TAFA5: variants seen among roughly 807,000 people sequenced by gnomAD.
The protein encoded by TAFA5 is chemokine-like protein TAFA-5.
Under a neutral mutation model 15.3 loss-of-function variants are expected in TAFA5, and 6 were observed. The observed-to-expected ratio is 0.39, with a 90% CI of 0.21 to 0.77. TAFA5 has a LOEUF of 0.77. TAFA5 is among the 30% of genes least tolerant of loss of function. The probability of loss-of-function intolerance (pLI) is 0.41; values close to 1 mark genes in which losing one functional copy is unlikely to be tolerated. For missense variants in TAFA5, 161 were observed against 193.1 expected (o/e 0.83, Z 0.98); for synonymous variants, 103 against 80.7 (o/e 1.28, Z -1.48).
chr22:48,686,941 T>G (rs1928378562), intron 2 of TAFA5, among the ~76,000 whole-genome samples: 1 of 118,520 alleles, frequency 8.4e-6, no homozygotes, highest in Non-Finnish European at 1.8e-5. Flanking sequence ...GATGGATGGA[T>G]TGGTGGAGGG....
At chr22:48,643,812 C>G (rs1261412667) in intron 1 of TAFA5, among the ~76,000 whole-genome samples, 1 of 152,184 alleles carries the variant, frequency 6.6e-6, no homozygotes, top group African/African-American at 2.4e-5. Context: ...GCCTGGACAC[C>G]ATGAGTCTCT....
rs1052338563 is a variant in TAFA5 at position 48,598,660 on chromosome 22, T to C, written c.113-47937T>C. ...TTCACACCAACAAGTTCTCCAACTT[T>C]CCAGACACCAAATGAATATCTGGCC... On this transcript the variant is annotated intron_variant, in intron 1 of 3. Coordinates refer to ENST00000402357, the MANE Select transcript of TAFA5 (RefSeq NM_001082967.3). This position sits in a 1 kb window ranked among gnomAD's most constrained non-coding sequence, Gnocchi z 4.0. Among the ~76,000 whole-genome samples, 18 of 152,158 alleles carry C rather than the reference T, an allele frequency of 1.2e-4. No homozygotes were observed. The highest frequency in any genetic ancestry group is 4.1e-4 in the African/African-American group (17 of 41,432).
chr22:48,531,245 C>T (rs1005745197), intron 1 of TAFA5, among the ~76,000 whole-genome samples: 3 of 152,232 alleles, frequency 2.0e-5, no homozygotes, highest in African/African-American at 7.2e-5. Flanking sequence ...AGGAGCTGAG[C>T]CCCAGTCCCA....
intron 3 of TAFA5, among the ~76,000 whole-genome samples, chr22:48,745,112 C>T (rs934551284): frequency 2.0e-5 from 3 of 152,230 alleles, no homozygotes; most frequent in Non-Finnish European, 4.4e-5. Flanking sequence ...TCTCAGCAGC[C>T]CTGAGCCCTG....
At chr22:48,653,972 C>T (rs1452802467) in intron 2 of TAFA5, among the ~76,000 whole-genome samples, 4 of 152,120 alleles carry the variant, frequency 2.6e-5, no homozygotes, top group African/African-American at 9.7e-5. Flanking sequence ...AACATGGGTG[C>T]CCGAGCCTCT....
intron 1 of TAFA5, among the ~76,000 whole-genome samples, chr22:48,595,549 T>C (rs376537743): frequency 2.0e-5 from 3 of 152,228 alleles, no homozygotes; most frequent in African/African-American, 7.2e-5. Context: ...ACTGGGGCTC[T>C]GTGGAGGCCA....
intron 1 of TAFA5, among the ~76,000 whole-genome samples, chr22:48,589,264 T>TG (rs891955943): frequency 1.1e-4 from 16 of 152,282 alleles, no homozygotes; most frequent in African/African-American, 3.1e-4. Flanking sequence ...GGTGACTGGC[T>TG]GGGGGTTTGG....
At chr22:48,594,185 C>T (rs898290899) in intron 1 of TAFA5, among the ~76,000 whole-genome samples, 2 of 152,198 alleles carry the variant, frequency 1.3e-5, no homozygotes, top group Non-Finnish European at 2.9e-5. Context: ...GGCGGCTGCT[C>T]TTGGCCAGTG....
At chr22:48,498,208 C>G (rs1601834581) in intron 1 of TAFA5, among the ~76,000 whole-genome samples, 1 of 15,480 alleles carries the variant, frequency 6.5e-5, no homozygotes. Flanking sequence ...GGGCTGCAAG[C>G]CTGGGGGCGG....
At chr22:48,594,039 A>G (rs28385606) in intron 1 of TAFA5, among the ~76,000 whole-genome samples, 45,448 of 152,204 alleles carry the variant, frequency 0.3, 7,324 homozygotes, top group South Asian at 0.44. Flanking sequence ...GATAAATGCC[A>G]GAAAACAAAA....
rs186807530 is a variant in TAFA5, at chr22:48,722,110, G to A, written c.390+14266G>A. On this transcript the variant is annotated intron_variant, in intron 3 of 3. Coordinates refer to ENST00000402357, the MANE Select transcript of TAFA5 (RefSeq NM_001082967.3). ...TCTAGTTCTAGATCCTTGAGGAATC[G>A]CCACACTGTCTTCCACAATAGTTGA... 3.9e-3 allele frequency among the ~76,000 whole-genome samples: 587 copies of A among 152,224 alleles called. 1 individual carries two copies. Among genetic ancestry groups the A allele is most frequent in the Middle Eastern group, 0.014 (4 of 294 alleles).
At chr22:48,599,929 C>T (rs1489817022) in intron 1 of TAFA5, among the ~76,000 whole-genome samples, 2 of 152,248 alleles carry the variant, frequency 1.3e-5, no homozygotes, top group East Asian at 3.9e-4. Flanking sequence ...GGCTGGGGGC[C>T]GCTGGTCCAG....
chr22:48,720,439 C>T (rs144512881), intron 3 of TAFA5, among the ~76,000 whole-genome samples: 190 of 152,222 alleles, frequency 1.2e-3, no homozygotes, highest in Non-Finnish European at 2.2e-3. Flanking sequence ...GCCAAATGGG[C>T]CTGCTTGGTT....
At chr22:48,726,123 G>A (rs1171103724) in intron 3 of TAFA5, among the ~76,000 whole-genome samples, 1 of 152,240 alleles carries the variant, frequency 6.6e-6, no homozygotes, top group Non-Finnish European at 1.5e-5. Flanking sequence ...CAGGAGACAA[G>A]AGGGAGACTT....
chr22:48,568,712 A>G (rs1424647551), intron 1 of TAFA5, among the ~76,000 whole-genome samples: 1 of 152,202 alleles, frequency 6.6e-6, no homozygotes, highest in African/African-American at 2.4e-5. Context: ...TCTGGTCACA[A>G]CGGTGGCTGG....
intron 1 of TAFA5, among the ~76,000 whole-genome samples, chr22:48,499,078 G>A (rs1920939891): frequency 6.6e-6 from 1 of 152,226 alleles, no homozygotes; most frequent in African/African-American, 2.4e-5. Flanking sequence ...GACCGGCGGA[G>A]CTGCTGGAAA....
In TAFA5 at chr22:48,711,273, T is replaced by C. The variant is rs541370748; in HGVS notation, c.390+3429T>C. 2.6e-4 allele frequency among the ~76,000 whole-genome samples: 39 copies of C among 151,254 alleles called. No homozygotes were observed. The South Asian group carries it at 7.8e-3, about 30-fold the overall frequency. Reference sequence around the variant, plus strand: ...ACGGCTCTGCTTTCCTGGGGGAGAGTGTGTGTCGGGGGCTTGAAGACCTGT... The same window carrying C: ...ACGGCTCTGCTTTCCTGGGGGAGAGCGTGTGTCGGGGGCTTGAAGACCTGT... On this transcript the variant is annotated intron_variant, in intron 3 of 3. Transcript: ENST00000402357.
intron 3 of TAFA5, among the ~76,000 whole-genome samples, chr22:48,743,084 A>G (rs1222054845): frequency 1.3e-5 from 2 of 152,058 alleles, no homozygotes; most frequent in Non-Finnish European, 1.5e-5. Context: ...AATGCCACAC[A>G]CCCGGTGGCT....
chr22:48,557,153 G>C (rs1173691440), intron 1 of TAFA5, among the ~76,000 whole-genome samples: 1 of 152,166 alleles, frequency 6.6e-6, no homozygotes, highest in Non-Finnish European at 1.5e-5. Context: ...CCCAAAATCC[G>C]TATGTTGATG....
Sources: allele counts gnomAD v4.1 joint callset (sites outside exome capture counted in the v4.1 genomes callset), GRCh38; gene constraint gnomAD v4.1.1; non-coding constraint Gnocchi (gnomAD v3.1); transcripts MANE v1.5; gene names NCBI Gene and HGNC (gene_info 2026-07-23, HGNC 2026-07-21).